Variants in OPHN1 observed in about 807,000 individuals in gnomAD.
OPHN1 encodes the protein oligophrenin 1, also known as oligophrenin-1.
A neutral mutation model predicts 60.7 loss-of-function variants in OPHN1; 11 were observed. The observed-to-expected ratio is 0.18, with a 90% CI of 0.11 to 0.30. OPHN1 has a LOEUF of 0.30. Among genes scored for constraint, OPHN1 ranks in the 10% least tolerant of loss-of-function variants. The probability of loss-of-function intolerance (pLI) is 1.00; values close to 1 mark genes in which losing one functional copy is unlikely to be tolerated. For synonymous variants in OPHN1, 226 were observed against 222.6 expected (o/e 1.02, Z -0.14); for missense variants, 449 against 611.0 (o/e 0.73, Z 2.80).
intron 2 of OPHN1, among the ~76,000 whole-genome samples, chrX:68,368,199 G>A (rs1458089542): frequency 2.7e-5 from 3 of 110,693 alleles, no homozygotes; most frequent in African/African-American, 9.9e-5. Flanking sequence ...GCTGATGGGG[G>A]GCAGATGAAT....
At chrX:68,398,839 C>G (rs1346419355) in intron 2 of OPHN1, among the ~76,000 whole-genome samples, 1 of 110,086 alleles carries the variant, frequency 9.1e-6, no homozygotes, top group Non-Finnish European at 1.9e-5. Flanking sequence ...ATCCAAGCTA[C>G]TCAGGAGGCT....
intron 15 of OPHN1, among the ~76,000 whole-genome samples, chrX:68,141,760 G>T (rs1256862240): frequency 1.8e-5 from 2 of 110,891 alleles, no homozygotes; most frequent in Non-Finnish European, 3.8e-5. Context: ...CAGAGAGACA[G>T]AGAGGTCAAA....
chrX:68,142,808 A>T (rs1409460418), intron 15 of OPHN1, among the ~76,000 whole-genome samples: 1 of 111,981 alleles, frequency 8.9e-6, no homozygotes, highest in African/African-American at 3.2e-5. Flanking sequence ...TCTACGATCA[A>T]ATTCAATCTA....
chrX:68,407,978 G>A (rs183554400), intron 2 of OPHN1, among the ~76,000 whole-genome samples: 8 of 112,214 alleles, frequency 7.1e-5, no homozygotes, highest in Middle Eastern at 4.6e-3. Flanking sequence ...TGTTGGTGGT[G>A]GTGTTGTTTA....
chrX:68,221,965 AG>A (rs1336076910), intron 6 of OPHN1, among the ~76,000 whole-genome samples: 2 of 107,284 alleles, frequency 1.9e-5, no homozygotes, highest in Non-Finnish European at 3.8e-5. Flanking sequence ...GCACAGCAAA[AG>A]AAACTACCAT....
chrX:68,411,540 A>G (rs1384739585), intron 2 of OPHN1, among the ~76,000 whole-genome samples: 2 of 112,228 alleles, frequency 1.8e-5, no homozygotes, highest in African/African-American at 3.2e-5. Flanking sequence ...GCATTTTTTC[A>G]TAGGCTTGTT....
chrX:68,279,052 A>C (rs2078006267), intron 4 of OPHN1, among the ~76,000 whole-genome samples: 1 of 103,915 alleles, frequency 9.6e-6, no homozygotes, highest in Non-Finnish European at 2.0e-5. Flanking sequence ...CAAGCTTCAT[A>C]ATCATATAAG....
intron 15 of OPHN1, among the ~76,000 whole-genome samples, chrX:68,176,973 C>CATATATATATATATATAT (rs59326514): frequency 2.0e-5 from 2 of 99,161 alleles, no homozygotes; most frequent in Non-Finnish European, 4.1e-5. Context: ...TTTATATATA[C>CATATATATATATATATAT]ATATATATAT....
At chrX:68,390,382 T>G (rs1382955978) in intron 2 of OPHN1, among the ~76,000 whole-genome samples, 2 of 111,419 alleles carry the variant, frequency 1.8e-5, no homozygotes, top group African/African-American at 6.5e-5. Flanking sequence ...GCAGATTGCT[T>G]GAGCTCAGGT....
intron 2 of OPHN1, among the ~76,000 whole-genome samples, chrX:68,363,799 G>T (rs2081975416): frequency 9.0e-6 from 1 of 110,909 alleles, no homozygotes; most frequent in Admixed American, 9.8e-5. Context: ...TGACATACCT[G>T]GGATTTGCTT....
intron 19 of OPHN1, among the ~76,000 whole-genome samples, chrX:68,079,960 G>C (rs147302496): frequency 0.015 from 1,691 of 111,251 alleles, 32 homozygotes; most frequent in African/African-American, 0.052. Context: ...TGACTTGGTT[G>C]AGTCTCATCA....
At chrX:68,229,365 C>G (rs1472130149) in intron 6 of OPHN1, among the ~76,000 whole-genome samples, 1 of 111,783 alleles carries the variant, frequency 8.9e-6, no homozygotes, top group African/African-American at 3.3e-5. Context: ...TCAATGCCAT[C>G]TCCATCAAGC....
intron 2 of OPHN1, among the ~76,000 whole-genome samples, chrX:68,359,793 T>TTGCAG (rs2078461424): frequency 9.8e-6 from 1 of 102,019 alleles, no homozygotes; most frequent in Admixed American, 1.1e-4. Flanking sequence ...GAGGCGGAGC[T>TTGCAG]TGCAGTGAAC....
intron 2 of OPHN1, among the ~76,000 whole-genome samples, chrX:68,354,617 T>C (rs920783802): frequency 9.4e-6 from 1 of 106,559 alleles, no homozygotes; most frequent in Non-Finnish European, 1.9e-5. Context: ...TAGCTGGGCG[T>C]GGTGGCACAC....
chrX:68,401,032 C>A (rs148684842), intron 2 of OPHN1, among the ~76,000 whole-genome samples: 1 of 111,673 alleles, frequency 9.0e-6, no homozygotes, highest in Non-Finnish European at 1.9e-5. Context: ...ACTATCATGA[C>A]GACAGCACCA....
chrX:68,213,315 T>C (rs2048625410), intron 7 of OPHN1, among the ~76,000 whole-genome samples: 1 of 111,554 alleles, frequency 9.0e-6, no homozygotes, highest in African/African-American at 3.3e-5. Context: ...AGGTTGTAGA[T>C]AGCACCACTG....
intron 2 of OPHN1, among the ~76,000 whole-genome samples, chrX:68,416,444 A>C (rs1212350567): frequency 9.0e-6 from 1 of 111,435 alleles, no homozygotes; most frequent in Non-Finnish European, 1.9e-5. Flanking sequence ...AAATACACAA[A>C]GACAGACAGT....
chrX:68,048,355 G>T, intron 24 of OPHN1, 61 bp downstream of exon 24: 1 of 1,033,748 alleles, frequency 9.7e-7, no homozygotes, highest in Non-Finnish European at 1.4e-6. Flanking sequence ...CAAAATATCA[G>T]ATCCCGTAAT....
intron 2 of OPHN1, among the ~76,000 whole-genome samples, chrX:68,413,529 C>T (rs1471923342): frequency 1.8e-5 from 2 of 111,656 alleles, no homozygotes; most frequent in African/African-American, 3.3e-5. Context: ...ACACGCCCAC[C>T]CAGGGCCCTT....
Sources: gnomAD v4.1 joint callset for allele counts (sites outside exome capture counted in the v4.1 genomes callset) on GRCh38, gnomAD v4.1.1 for gene constraint, MANE v1.5 for transcripts, NCBI Gene and HGNC (gene_info 2026-07-23, HGNC 2026-07-21) for gene names.